The following PACRG variants were observed in gnomAD, a reference collection of about 807,000 sequenced individuals.
The protein encoded by PACRG is parkin coregulated gene protein.
A neutral mutation model predicts 29.7 loss-of-function variants in PACRG; 29 were observed. The ratio of observed to expected loss-of-function variants is 0.98; its 90% CI spans 0.73 to 1.33. PACRG has a LOEUF of 1.33. PACRG is among the 40% of genes most tolerant of loss of function. The pLI, the probability that PACRG is intolerant of heterozygous loss-of-function variation, is 0.00. For synonymous variants in PACRG, 116 were observed against 118.7 expected (o/e 0.98, Z 0.15); for missense variants, 279 against 316.2 (o/e 0.88, Z 0.89).
rs562116339 is a variant in PACRG at position 163,262,869 on chromosome 6, C to A, written c.614-51958C>A. Among the ~76,000 whole-genome samples, 5 of 147,088 alleles carry A rather than the reference C, an allele frequency of 3.4e-5. No homozygotes were observed. The East Asian group carries it at 8.2e-4, about 24-fold the overall frequency. On this transcript the variant is annotated intron_variant, in intron 4 of 4. Coordinates refer to ENST00000366888, the MANE Select transcript of PACRG (RefSeq NM_001080379.2). ...CTAGCCTGGGCAACATAGTGAGACCCCCCCCCCCATGTCAACTAAAAATTT... is the reference window on the plus strand; with the variant it reads ...CTAGCCTGGGCAACATAGTGAGACCACCCCCCCCATGTCAACTAAAAATTT...
chr6:162,956,941 A>G (rs1189450794), intron 2 of PACRG, among the ~76,000 whole-genome samples: 1 of 152,136 alleles, frequency 6.6e-6, no homozygotes, highest in Non-Finnish European at 1.5e-5. Flanking sequence ...TCTTTGTATC[A>G]TTCATGACGT....
chr6:162,931,562 G>T (rs537080060), intron 2 of PACRG, among the ~76,000 whole-genome samples: 2 of 152,052 alleles, frequency 1.3e-5, no homozygotes, highest in South Asian at 2.1e-4. Context: ...AGCACCATTT[G>T]TTGAAAAGAT....
At chr6:163,253,278 TGA>T (rs1490257992) in intron 4 of PACRG, among the ~76,000 whole-genome samples, 7 of 129,790 alleles carry the variant, frequency 5.4e-5, no homozygotes, top group Non-Finnish European at 9.3e-5. Flanking sequence ...CCAGCGTGGG[TGA>T]GAGAGTGAGA....
intron 2 of PACRG, among the ~76,000 whole-genome samples, chr6:162,963,045 TA>T (rs1256507081): frequency 6.6e-6 from 1 of 152,136 alleles, no homozygotes; most frequent in Non-Finnish European, 1.5e-5. Context: ...TGTTTTGCTA[TA>T]ATAAGATGAA....
At chr6:162,844,407 G>C (rs1419224849) in intron 2 of PACRG, among the ~76,000 whole-genome samples, 1 of 152,240 alleles carries the variant, frequency 6.6e-6, no homozygotes, top group African/African-American at 2.4e-5. Flanking sequence ...GGAACTCCCT[G>C]ACCCCTTGCG....
intron 4 of PACRG, among the ~76,000 whole-genome samples, chr6:163,292,040 C>G (rs1047480993): frequency 6.6e-5 from 10 of 151,794 alleles, no homozygotes; most frequent in Non-Finnish European, 1.2e-4. Context: ...GCTGAGCTAA[C>G]GAAGGTTTAA....
chr6:163,239,841 TACAC>T (rs3064934), intron 4 of PACRG, among the ~76,000 whole-genome samples: 2 of 124,600 alleles, frequency 1.6e-5, no homozygotes, highest in Non-Finnish European at 3.3e-5. Context: ...CACACTCACA[TACAC>T]ACACACTCTC....
chr6:163,213,394 G>C (rs916352395), intron 4 of PACRG, among the ~76,000 whole-genome samples: 2 of 152,266 alleles, frequency 1.3e-5, no homozygotes, highest in South Asian at 4.1e-4. Flanking sequence ...ATTCTGGATT[G>C]ATCTTTTTGC....
At chr6:163,082,674 A>G (rs1339442841) in intron 3 of PACRG, among the ~76,000 whole-genome samples, 1 of 152,194 alleles carries the variant, frequency 6.6e-6, no homozygotes, top group Non-Finnish European at 1.5e-5. Context: ...TTATAAAATG[A>G]GGTCCGAGTG....
intron 4 of PACRG, among the ~76,000 whole-genome samples, chr6:163,215,507 G>A (rs1004351995): frequency 6.6e-6 from 1 of 152,200 alleles, no homozygotes. Flanking sequence ...AATTTAGAAA[G>A]AGGATGTTTT....
chr6:162,963,167 G>A (rs6933877), intron 2 of PACRG, among the ~76,000 whole-genome samples: 23,702 of 152,160 alleles, frequency 0.16, 3,242 homozygotes, highest in African/African-American at 0.36. Context: ...AAAGATGCTT[G>A]TTTGGGCAGG....
intron 2 of PACRG, among the ~76,000 whole-genome samples, chr6:162,935,477 G>T (rs1798169209): frequency 6.8e-6 from 1 of 147,820 alleles, no homozygotes; most frequent in Admixed American, 6.7e-5. Context: ...GATGTAGTCT[G>T]TTGTTGAAGT....
At chr6:162,796,505 A>G (rs985349238) in intron 1 of PACRG, among the ~76,000 whole-genome samples, 1 of 152,072 alleles carries the variant, frequency 6.6e-6, no homozygotes, top group Admixed American at 6.6e-5. Context: ...TATATCACCT[A>G]TAGCCCTTAT....
intron 4 of PACRG, among the ~76,000 whole-genome samples, chr6:163,243,047 T>A (rs1782558231): frequency 6.6e-6 from 1 of 152,256 alleles, no homozygotes; most frequent in African/African-American, 2.4e-5. Flanking sequence ...AGGCCATTAT[T>A]TGTTTGAACA....
At chr6:162,929,194 C>T (rs1562744214) in intron 2 of PACRG, among the ~76,000 whole-genome samples, 2 of 152,000 alleles carry the variant, frequency 1.3e-5, no homozygotes, top group Admixed American at 6.6e-5. Flanking sequence ...AACCTTCATA[C>T]AGTTTTTCTT....
chr6:162,894,840 C>T (rs1795044285), intron 2 of PACRG, among the ~76,000 whole-genome samples: 1 of 152,014 alleles, frequency 6.6e-6, no homozygotes, highest in African/African-American at 2.4e-5. Flanking sequence ...AATGTAACAA[C>T]GAGTTGGGTA....
chr6:162,851,123 A>G (rs1308038736), intron 2 of PACRG, among the ~76,000 whole-genome samples: 1 of 152,216 alleles, frequency 6.6e-6, no homozygotes, highest in East Asian at 1.9e-4. Flanking sequence ...TTCCCTAACA[A>G]GGACCAATCT....
At chr6:162,875,090 T>G (rs2128000488) in intron 2 of PACRG, among the ~76,000 whole-genome samples, 1 of 152,236 alleles carries the variant, frequency 6.6e-6, no homozygotes, top group Middle Eastern at 3.4e-3. Flanking sequence ...TTCATTCATG[T>G]GCTCACACAC....
intron 1 of PACRG, among the ~76,000 whole-genome samples, chr6:162,811,677 A>G (rs945221754): frequency 6.6e-6 from 1 of 152,166 alleles, no homozygotes; most frequent in Admixed American, 6.5e-5. Context: ...CTTTATTCAT[A>G]ATAGCCAAAC....
Sources: allele counts gnomAD v4.1 joint callset (sites outside exome capture counted in the v4.1 genomes callset), GRCh38; gene constraint gnomAD v4.1.1; transcripts MANE v1.5; gene names NCBI Gene and HGNC (gene_info 2026-07-23, HGNC 2026-07-21).